The following RTN2 variants were observed in gnomAD, a reference collection of about 807,000 sequenced individuals.
RTN2 encodes the protein reticulon 2.
A neutral mutation model predicts 63.7 loss-of-function variants in RTN2; 36 were observed. That is an observed-to-expected ratio of 0.56 (90% CI 0.43 to 0.75). The LOEUF is 0.75. RTN2 is among the 30% of genes least tolerant of loss of function. RTN2 has a pLI of 0.00. For missense variants in RTN2, 673 were observed against 705.1 expected, an observed-to-expected ratio of 0.95 and a Z score of 0.52; for synonymous variants, 312 against 313.0, an observed-to-expected ratio of 1.00 and a Z score of 0.03.
Position 45,494,907 on chromosome 19 carries a change from G to A in RTN2, c.178C>T (p.Arg60Trp), listed in dbSNP as rs1271589894. 1.9e-6 allele frequency: 3 copies of A among 1,612,242 alleles called. No individual in the cohort carries two copies. Among genetic ancestry groups the A allele is most frequent in the East Asian group, 4.5e-5 (2 of 44,874 alleles). ...GCGATGTAGGAGAAGGTCAGCTCCCGGGGGGTGCCCCAGTCCTGCGACGTG... is the reference window on the plus strand; with the variant it reads ...GCGATGTAGGAGAAGGTCAGCTCCCAGGGGGTGCCCCAGTCCTGCGACGTG... ...ETTSQDWGTP[R>W]ELTFSYIAFD... is the part of the protein sequence containing the mutation. The change falls in exon 3 of 11, where the codon CGG (arginine) becomes TGG (tryptophan). Residue 60 changes from arginine to tryptophan, a missense_variant. Transcript: ENST00000245923. This position sits in a 1 kb window ranked among gnomAD's most constrained non-coding sequence, Gnocchi z 5.3.
Position 45,494,179 on chromosome 19 carries a change from C to A in RTN2, c.801G>T (p.Glu267Asp). Residue 267 changes from glutamate to aspartate, a missense_variant, in exon 4 of 11, where the codon GAG becomes GAT. By Grantham distance (45) the Glu-to-Asp change is conservative (BLOSUM62 2). Transcript: ENST00000245923. The surrounding 1 kb of genome is among the most constrained non-coding windows in gnomAD (Gnocchi z 5.3). ...DSTDQLEFTV[E>D]PRLLGTAMEW... is the part of the protein sequence containing the mutation. ...CACGTTGCTTACCTAGAAGGCGTGG[C>A]TCCACCGTGAATTCTAATTGGTCCG... The A allele has an allele frequency of 6.2e-7, 1 of 1,602,806 alleles. No individual in the cohort carries two copies. The highest frequency in any genetic ancestry group is 2.2e-5 in the East Asian group (1 of 44,882).
intron 1 of RTN2, 155 bp downstream of exon 1, chr19:45,496,637 G>A: frequency 2.2e-6 from 1 of 445,298 alleles, no homozygotes; most frequent in Non-Finnish European, 3.9e-6. Context: ...TACCCCCGTC[G>A]CCGCCAGAGC....
chr19:45,486,472 T>C (rs1034742445), intron 9 of RTN2, among the ~76,000 whole-genome samples: 4 of 152,110 alleles, frequency 2.6e-5, no homozygotes, highest in African/African-American at 9.7e-5. Flanking sequence ...CCTGAGTGGA[T>C]TGATTTATAT....
chr19:45,493,104 G>A (rs1968195966), intron 5 of RTN2, 56 bp downstream of exon 5: 1 of 1,512,368 alleles, frequency 6.6e-7, no homozygotes, highest in African/African-American at 1.4e-5. Flanking sequence ...ATAAGGGCGA[G>A]TTTGGACCCC....
Position 45,489,405 on chromosome 19 carries a change from G to C in RTN2, c.1182C>G (p.Leu394=). ...ALLLLCGTIS[L]RVYRKVLQAV... is the part of the protein sequence containing the mutation. ...CCTGCAGCACTTTGCGGTAAACCCT[G>C]AGAGAGATGGTGCCGCAGAGCAGCA... The change falls in exon 6 of 11, where the codon CTC becomes CTG. Residue 394 remains leucine (L), a synonymous_variant. Transcript: ENST00000245923. 5 of 1,602,728 alleles carry C rather than the reference G, an allele frequency of 3.1e-6. No individual in the cohort carries two copies. Among genetic ancestry groups the C allele is most frequent in the Non-Finnish European group, 4.3e-6 (5 of 1,175,068 alleles).
chr19:45,492,840 G>A (rs1968189012), intron 5 of RTN2, among the ~76,000 whole-genome samples: 1 of 152,186 alleles, frequency 6.6e-6, no homozygotes, highest in South Asian at 2.1e-4. Context: ...CGGGGGCTAA[G>A]TTTAGGCACG....
chr19:45,486,614 C>T (rs1290676394), intron 9 of RTN2, among the ~76,000 whole-genome samples: 1 of 151,918 alleles, frequency 6.6e-6, no homozygotes, highest in Non-Finnish European at 1.5e-5. Context: ...TGAGTTCAAG[C>T]GATTCTCCTG....
Position 45,485,543 on chromosome 19 carries a change from G to C in RTN2, c.*165C>G. 1.6e-6 allele frequency: 1 copy of C among 617,182 alleles called. No homozygotes were observed. The highest frequency in any genetic ancestry group is 2.7e-5 in the East Asian group (1 of 36,904). The allele number at this position is 617,182 out of a possible 1,614,324, so 38.2% of individuals were successfully genotyped here. A position where few individuals can be genotyped will look rare whatever the true frequency, so the allele number is the denominator to read the frequency against. ...GAGCCTCTTGGGAAATGTAGTCCTG[G>C]TCGCTCAGGTAATTAGCGCAGAGTC... On this transcript the variant is annotated 3_prime_UTR_variant, in exon 11 of 11. Coordinates refer to ENST00000245923, the MANE Select transcript of RTN2 (RefSeq NM_005619.5).
At chr19:45,489,660 A>C in intron 5 of RTN2, 107 bp from the exon 6 acceptor site, 1 of 655,428 alleles carries the variant, frequency 1.5e-6, no homozygotes, top group South Asian at 1.9e-5. Flanking sequence ...CACCTGTTTG[A>C]GCATAACCTG....
At chr19:45,488,246 CTG>C (rs1968070894) in intron 9 of RTN2, among the ~76,000 whole-genome samples, 1 of 152,234 alleles carries the variant, frequency 6.6e-6, no homozygotes. Flanking sequence ...GAGCAAGACT[CTG>C]TCTCAAAGAA....
At chr19:45,496,692 C>G (rs1968278429) in intron 1 of RTN2, 100 bp downstream of exon 1, 2 of 752,660 alleles carry the variant, frequency 2.7e-6, no homozygotes, top group Middle Eastern at 2.5e-4. Context: ...CCTCCTCCCC[C>G]CATCCCGGCT....
Position 45,494,504 on chromosome 19 carries a change from C to T in RTN2, c.559+22G>A. 6.2e-7 allele frequency: 1 copy of T among 1,609,948 alleles called. No homozygotes were observed. The highest frequency in any genetic ancestry group is 1.1e-5 in the South Asian group (1 of 90,698). On this transcript the variant is annotated intron_variant, in intron 3 of 10. Transcript: ENST00000245923. This position sits in a 1 kb window ranked among gnomAD's most constrained non-coding sequence, Gnocchi z 5.3. ...ACCACCCACCCCTCTTGGCTTTGGT[C>T]CCAGCACCTCGGACATCTCACCTTC...
chr19:45,489,676 C>CTTTTTT (rs200770145), intron 5 of RTN2, 123 bp from the exon 6 acceptor site: 18 of 502,488 alleles, frequency 3.6e-5, no homozygotes, highest in African/African-American at 1.2e-4. Context: ...ACCTGATTTC[C>CTTTTTT]TTTTTTTTTT....
intron 1 of RTN2, 35 bp downstream of exon 1, chr19:45,496,757 G>T: frequency 6.9e-7 from 1 of 1,446,318 alleles, no homozygotes; most frequent in South Asian, 1.4e-5. Context: ...TGAACCTCTG[G>T]GGCCCACACC....
chr19:45,496,006 C>T (rs1355012140), intron 1 of RTN2, among the ~76,000 whole-genome samples: 2 of 152,104 alleles, frequency 1.3e-5, no homozygotes, highest in Non-Finnish European at 2.9e-5. Flanking sequence ...TGTTGAAATC[C>T]CCAGCTGTCA....
At chr19:45,490,535 C>CTGTGTGTGTGTGTGTGTGTGTG (rs56279132) in intron 5 of RTN2, among the ~76,000 whole-genome samples, 1 of 145,766 alleles carries the variant, frequency 6.9e-6, no homozygotes, top group Admixed American at 6.9e-5. Context: ...GGTTGTGTGT[C>CTGTGTGTGTGTGTGTGTGTGTG]TGTGTGTGTG....
At chr19:45,496,382 G>C (rs1448775304) in intron 1 of RTN2, among the ~76,000 whole-genome samples, 1 of 152,234 alleles carries the variant, frequency 6.6e-6, no homozygotes, top group African/African-American at 2.4e-5. Context: ...GACAGAAAAC[G>C]GGGATGGGAT....
intron 10 of RTN2, 46 bp from the exon 11 acceptor site, chr19:45,485,835 G>A (rs1013625369): frequency 2.0e-6 from 3 of 1,502,702 alleles, no homozygotes; most frequent in Non-Finnish European, 2.8e-6. Context: ...AAGAGACGCG[G>A]GGTGGGCATC....
intron 8 of RTN2, 36 bp downstream of exon 8, chr19:45,488,601 A>C: frequency 6.2e-7 from 1 of 1,613,656 alleles, no homozygotes; most frequent in Non-Finnish European, 8.5e-7. Flanking sequence ...CCAGACTCCA[A>C]GTCCCCATTT....
Sources: allele counts gnomAD v4.1 joint callset (sites outside exome capture counted in the v4.1 genomes callset), GRCh38; gene constraint gnomAD v4.1.1; non-coding constraint Gnocchi (gnomAD v3.1); transcripts MANE v1.5; gene names NCBI Gene and HGNC (gene_info 2026-07-23, HGNC 2026-07-21).